CAB39: variants seen among roughly 807,000 people sequenced by gnomAD.
The protein encoded by CAB39 is calcium binding protein 39.
In CAB39, 8 loss-of-function variants were observed where a neutral mutation model predicts 40.0. That is an observed-to-expected ratio of 0.20 (90% CI 0.12 to 0.36). The LOEUF is 0.36. Ranked by LOEUF, CAB39 falls within the 10% of genes least tolerant of loss-of-function variation. CAB39 has a pLI of 1.00. For synonymous variants in CAB39, 156 were observed against 141.6 expected (o/e 1.10, Z -0.72); for missense variants, 270 against 401.1 (o/e 0.67, Z 2.79).
intron 2 of CAB39, among the ~76,000 whole-genome samples, chr2:230,778,370 T>C (rs1695630522): frequency 6.6e-6 from 1 of 152,210 alleles, no homozygotes; most frequent in African/African-American, 2.4e-5. Flanking sequence ...TTCAAGGACA[T>C]TGCATAGAAG....
intron 1 of CAB39, among the ~76,000 whole-genome samples, chr2:230,743,762 T>C (rs1019697366): frequency 6.6e-6 from 1 of 152,130 alleles, no homozygotes; most frequent in African/African-American, 2.4e-5. Flanking sequence ...AAACTGCTGA[T>C]TGGGGCCAGT....
intron 2 of CAB39, among the ~76,000 whole-genome samples, chr2:230,762,262 A>G (rs566355637): frequency 5.9e-5 from 9 of 152,292 alleles, no homozygotes; most frequent in Non-Finnish European, 8.8e-5. Flanking sequence ...TTATTGGTCA[A>G]TGGGGATATA....
chr2:230,726,359 A>G (rs1364288320), intron 1 of CAB39, among the ~76,000 whole-genome samples: 16 of 150,850 alleles, frequency 1.1e-4, no homozygotes, highest in Admixed American at 5.9e-4. Context: ...TCCAGTAGAG[A>G]TGGGGTTTCG....
chr2:230,743,267 T>G (rs1251979000), intron 1 of CAB39, among the ~76,000 whole-genome samples: 1 of 152,130 alleles, frequency 6.6e-6, no homozygotes, highest in Non-Finnish European at 1.5e-5. Flanking sequence ...TACGACAAAG[T>G]AAGGCCGGCT....
intron 1 of CAB39, among the ~76,000 whole-genome samples, chr2:230,741,114 A>C (rs576404938): frequency 6.6e-6 from 1 of 152,150 alleles, no homozygotes; most frequent in Admixed American, 6.5e-5. Context: ...TAATTCCCCC[A>C]AGGTTTATCT....
chr2:230,818,620 G>T lies in CAB39; in HGVS notation c.942G>T (p.Thr314=), dbSNP rs146490647. The change falls in exon 9 of 9, where the codon ACG becomes ACT. Residue 314 remains threonine (T), a synonymous_variant. Coordinates refer to ENST00000258418, the MANE Select transcript of CAB39 (RefSeq NM_016289.4). ...EFLSKFQNDR[T]EDEQFNDEKT... ...TCAGCAAGTTTCAGAACGACAGGAC[G>T]GAGGATGAGCAGTTTAACGACGAGA... The T allele has an allele frequency of 4.8e-5, 78 of 1,613,988 alleles. No homozygotes were observed. The highest frequency in any genetic ancestry group is 6.0e-5 in the Non-Finnish European group (71 of 1,179,972).
At chr2:230,735,413 C>A (rs558800267) in intron 1 of CAB39, among the ~76,000 whole-genome samples, 1 of 151,744 alleles carries the variant, frequency 6.6e-6, no homozygotes, top group African/African-American at 2.4e-5. Flanking sequence ...GTGATCCGTC[C>A]GCCTCGGCCT....
chr2:230,792,143 G>A (rs1575950308), intron 3 of CAB39, among the ~76,000 whole-genome samples: 1 of 152,308 alleles, frequency 6.6e-6, no homozygotes. Context: ...AGAGCAGATA[G>A]AACTGCAATG....
At chr2:230,724,716 A>AC (rs1369953751) in intron 1 of CAB39, among the ~76,000 whole-genome samples, 6 of 151,296 alleles carry the variant, frequency 4.0e-5, no homozygotes, top group African/African-American at 7.3e-5. Flanking sequence ...AAAAAAAAAA[A>AC]AAAAAACCTC....
intron 1 of CAB39, among the ~76,000 whole-genome samples, chr2:230,718,761 T>C (rs753730570): frequency 6.6e-6 from 1 of 152,188 alleles, no homozygotes; most frequent in Non-Finnish European, 1.5e-5. Flanking sequence ...AATGGTTCTT[T>C]CTGCAGGTGG....
intron 1 of CAB39, among the ~76,000 whole-genome samples, chr2:230,722,045 CT>C (rs879275195): frequency 0.011 from 1,439 of 136,960 alleles, 5 homozygotes; most frequent in African/African-American, 0.018. Flanking sequence ...TTCACCAAGC[CT>C]TTTTTTTTTT....
intron 1 of CAB39, among the ~76,000 whole-genome samples, chr2:230,747,205 A>G (rs1007400411): frequency 1.3e-5 from 2 of 152,340 alleles, no homozygotes; most frequent in African/African-American, 4.8e-5. Flanking sequence ...AGCCTGGGCA[A>G]CAGAGTGAGA....
In CAB39 at chr2:230,737,828, GC is replaced by G. The variant is rs569699783; in HGVS notation, c.-43-22130del. Among the ~76,000 whole-genome samples, 26 of 152,226 alleles carry G rather than the reference GC, an allele frequency of 1.7e-4. No homozygotes were observed. The East Asian group carries it at 5.0e-3, about 29-fold the overall frequency. On this transcript the variant is annotated intron_variant, in intron 1 of 8. Coordinates refer to ENST00000258418, the MANE Select transcript of CAB39 (RefSeq NM_016289.4). ...TTAGATACTGCTTTGAGATTAAAAA[GC>G]AAGTTTTCCAGTTTGACTATATTAT...
chr2:230,721,382 G>T (rs1435113235), intron 1 of CAB39, among the ~76,000 whole-genome samples: 1 of 152,230 alleles, frequency 6.6e-6, no homozygotes, highest in Non-Finnish European at 1.5e-5. Context: ...AGTGAGCCAA[G>T]ATAGTGCCAC....
chr2:230,810,385 A>G, intron 6 of CAB39, 63 bp downstream of exon 6: 1 of 627,738 alleles, frequency 1.6e-6, no homozygotes, highest in Non-Finnish European at 2.7e-6. Flanking sequence ...GAAATGAAAG[A>G]CTTACATTAG....
chr2:230,757,285 A>G (rs912996908), intron 1 of CAB39, among the ~76,000 whole-genome samples: 3 of 152,010 alleles, frequency 2.0e-5, no homozygotes, highest in Admixed American at 1.3e-4. Flanking sequence ...TTGTAGAGAC[A>G]GGGTCTCCCT....
chr2:230,806,489 A>G (rs868767880), intron 5 of CAB39, among the ~76,000 whole-genome samples: 2 of 152,204 alleles, frequency 1.3e-5, no homozygotes, highest in African/African-American at 4.8e-5. Context: ...TTTAAGAGGC[A>G]CATAGACAAA....
intron 7 of CAB39, among the ~76,000 whole-genome samples, chr2:230,816,702 G>T (rs1200919778): frequency 6.6e-6 from 1 of 152,170 alleles, no homozygotes; most frequent in East Asian, 1.9e-4. Flanking sequence ...TCACATCTCT[G>T]CAGATACAGG....
At chr2:230,799,240 C>T (rs115155017) in intron 5 of CAB39, 3,891 of 186,002 alleles carry the variant, frequency 0.021, 72 homozygotes, top group Non-Finnish European at 0.029. Context: ...TTTGGTTAAG[C>T]ACCAGATGAA....
Sources: gnomAD v4.1 joint callset for allele counts (sites outside exome capture counted in the v4.1 genomes callset) on GRCh38, gnomAD v4.1.1 for gene constraint, MANE v1.5 for transcripts, NCBI Gene and HGNC (gene_info 2026-07-23, HGNC 2026-07-21) for gene names.